The following IGSF10 variants were observed in gnomAD, a reference collection of about 807,000 sequenced individuals.
IGSF10 encodes calvaria mechanical force protein 608.
In IGSF10, 126 loss-of-function variants were observed where a neutral mutation model predicts 128.2. The observed-to-expected ratio is 0.98, with a 90% CI of 0.85 to 1.14. IGSF10 has a LOEUF of 1.14. IGSF10 is among the 50% of genes most tolerant of loss of function. The pLI is 0.00. For missense variants in IGSF10, 3,295 were observed against 3,149.8 expected, an observed-to-expected ratio of 1.05 and a Z score of -1.10; for synonymous variants, 1,185 against 1,146.2, an observed-to-expected ratio of 1.03 and a Z score of -0.68.
the IGSF10 span, among the ~76,000 whole-genome samples, chr3:151,491,715 CCAAA>C: frequency 1.3e-5 from 2 of 152,128 alleles, no homozygotes; most frequent in Non-Finnish European, 2.9e-5. Flanking sequence ...CTGAGTTCTA[CCAAA>C]CATTCAAAGA....
At position 151,449,091 on chromosome 3, in the gene IGSF10, T is replaced by C. The variant is rs780491372; in HGVS notation, c.890A>G (p.Glu297Gly). 154 of 1,614,062 alleles carry C rather than the reference T, an allele frequency of 9.5e-5. No individual in the cohort carries two copies. The highest frequency in any genetic ancestry group is 1.2e-4 in the Non-Finnish European group (145 of 1,180,028). The change falls in exon 6 of 8, where the codon GAA (glutamate) becomes GGA (glycine). Residue 297 changes from glutamate (E) to glycine (G), a missense_variant. Physicochemically the swap from Glu to Gly is moderately conservative, Grantham distance 98. Coordinates refer to ENST00000282466, the MANE Select transcript of IGSF10 (RefSeq NM_178822.5). ...AGAGATGAAAGCAGAACTACTGTCT[T>C]CCAGAATAGTCAGGCTCTTTGATTT... ...SLKSKSLTIL[E>G]DSSSAFISPQ...
the IGSF10 span, among the ~76,000 whole-genome samples, chr3:151,502,186 G>C: frequency 1.3e-5 from 2 of 152,046 alleles, no homozygotes; most frequent in African/African-American, 4.8e-5. Flanking sequence ...TATCTGCAAA[G>C]TGTGAAATGA....
the IGSF10 span, among the ~76,000 whole-genome samples, chr3:151,525,994 A>G: frequency 3.9e-5 from 6 of 152,292 alleles, no homozygotes; most frequent in Admixed American, 1.3e-4. Flanking sequence ...CGGGAATCTC[A>G]AAGGTCATCT....
At chr3:151,529,420 T>A in the IGSF10 span, among the ~76,000 whole-genome samples, 1 of 152,244 alleles carries the variant, frequency 6.6e-6, no homozygotes, top group African/African-American at 2.4e-5. Flanking sequence ...GGGAGACACC[T>A]CCCATTAGGG....
At chr3:151,449,388 G>T in intron 5 of IGSF10, 123 bp from the exon 6 acceptor site, 2 of 961,074 alleles carry the variant, frequency 2.1e-6, no homozygotes, top group East Asian at 2.6e-5. Context: ...TCAATGGAAA[G>T]TTTTCTGATT....
the IGSF10 span, among the ~76,000 whole-genome samples, chr3:151,539,058 G>A: frequency 3.3e-5 from 5 of 152,178 alleles, no homozygotes; most frequent in African/African-American, 1.2e-4. Flanking sequence ...CTGGCAGATG[G>A]CGATCAAAAT....
the IGSF10 span, among the ~76,000 whole-genome samples, chr3:151,527,031 T>G: frequency 5.9e-5 from 9 of 152,318 alleles, no homozygotes; most frequent in Non-Finnish European, 1.2e-4. Context: ...CTAAACCCTG[T>G]ACAGATCTGG....
At chr3:151,458,131 A>ATGTGTG (rs142272716) in intron 3 of IGSF10, among the ~76,000 whole-genome samples, 10 of 150,552 alleles carry the variant, frequency 6.6e-5, no homozygotes, top group African/African-American at 2.4e-4. Flanking sequence ...ATATGTATGT[A>ATGTGTG]TGTGTGTGTG....
the IGSF10 span, among the ~76,000 whole-genome samples, chr3:151,541,772 A>G: frequency 2.6e-5 from 4 of 152,142 alleles, no homozygotes; most frequent in Non-Finnish European, 4.4e-5. Context: ...ATATACATAC[A>G]TATGTGTGGA....
the IGSF10 span, among the ~76,000 whole-genome samples, chr3:151,598,204 C>G: frequency 6.6e-6 from 1 of 151,636 alleles, no homozygotes; most frequent in African/African-American, 2.4e-5. Flanking sequence ...GGATTGTATA[C>G]CAGTGTTGGG....
At chr3:151,456,250 A>G (rs560056701) in intron 4 of IGSF10, among the ~76,000 whole-genome samples, 6 of 152,244 alleles carry the variant, frequency 3.9e-5, no homozygotes, top group Admixed American at 2.0e-4. Context: ...TAGCTCTGGT[A>G]TATGTTAGAA....
At chr3:151,440,752 T>C (rs1422080435) in intron 7 of IGSF10, 2 of 409,566 alleles carry the variant, frequency 4.9e-6, no homozygotes, top group Admixed American at 2.7e-5. Flanking sequence ...TTAATATGTG[T>C]GCAGCATGGC....
At chr3:151,618,041 T>G in the IGSF10 span, among the ~76,000 whole-genome samples, 2 of 152,202 alleles carry the variant, frequency 1.3e-5, no homozygotes, top group African/African-American at 4.8e-5. Flanking sequence ...ATTCAAAGAT[T>G]TAAACCTAAT....
At chr3:151,604,802 C>T in the IGSF10 span, among the ~76,000 whole-genome samples, 1 of 152,154 alleles carries the variant, frequency 6.6e-6, no homozygotes, top group African/African-American at 2.4e-5. Flanking sequence ...TCACTGTGAG[C>T]ATTTAATTAG....
the IGSF10 span, among the ~76,000 whole-genome samples, chr3:151,467,090 T>C: frequency 1.3e-5 from 2 of 152,140 alleles, no homozygotes; most frequent in African/African-American, 2.4e-5. Context: ...CCTTGAAAGA[T>C]TCTTTGCAAA....
chr3:151,447,318 T>G lies in IGSF10; in HGVS notation c.2663A>C (p.Gln888Pro), dbSNP rs35491609. The G allele has an allele frequency of 1.0e-3, 1,666 of 1,614,182 alleles. 15 individuals are homozygous for G. The African/African-American group carries it at 0.019, about 19-fold the overall frequency. ...MSSQIQGTTN[Q>P]HSSTVFPLLL... ...CAGTGGAAAGACAGTGGATGAATGT[T>G]GATTGGTTGTGCCTTGTATTTGGCT... Residue 888 changes from glutamine to proline, a missense_variant, in exon 6 of 8, where the codon CAA becomes CCA. Gln to Pro is a moderately conservative substitution (Grantham distance 76, BLOSUM62 -1). Transcript: ENST00000282466.
At chr3:151,485,132 A>T in the IGSF10 span, among the ~76,000 whole-genome samples, 5 of 152,216 alleles carry the variant, frequency 3.3e-5, no homozygotes, top group African/African-American at 1.2e-4. Context: ...TGAAAAACAC[A>T]GTACAAGAAC....
At chr3:151,599,383 T>A in the IGSF10 span, among the ~76,000 whole-genome samples, 1 of 152,202 alleles carries the variant, frequency 6.6e-6, no homozygotes, top group Admixed American at 6.5e-5. Context: ...GCAATAAAAA[T>A]TTTTTGCAGG....
chr3:151,434,633 T>G (rs1257704973), downstream of IGSF10: 1 of 152,242 alleles, frequency 6.6e-6, no homozygotes, highest in East Asian at 1.9e-4. Flanking sequence ...AAGTAATATA[T>G]CTATATAATG....
Sources: gnomAD v4.1 joint callset for allele counts (sites outside exome capture counted in the v4.1 genomes callset) on GRCh38, gnomAD v4.1.1 for gene constraint, MANE v1.5 for transcripts, NCBI Gene and HGNC (gene_info 2026-07-23, HGNC 2026-07-21) for gene names.